SV2C: variants seen among roughly 807,000 people sequenced by gnomAD.
SV2C encodes synaptic vesicle glycoprotein 2C, also known as solute carrier family 22 member B3.
In SV2C, 49 loss-of-function variants were observed where a neutral mutation model predicts 79.7. The ratio of observed to expected loss-of-function variants is 0.61; its 90% CI spans 0.49 to 0.78. The LOEUF is 0.78. Among genes scored for constraint, SV2C ranks in the 30% least tolerant of loss-of-function variants. The probability of loss-of-function intolerance (pLI) is 0.00; values close to 1 mark genes in which losing one functional copy is unlikely to be tolerated. For synonymous variants in SV2C, 334 were observed against 333.2 expected (o/e 1.00, Z -0.03); for missense variants, 833 against 912.9 (o/e 0.91, Z 1.13).
chr5:76,139,521 G>A (rs545624871), intron 2 of SV2C, among the ~76,000 whole-genome samples: 21 of 152,104 alleles, frequency 1.4e-4, no homozygotes, highest in Non-Finnish European at 2.5e-4. Flanking sequence ...TCTATCAGTC[G>A]TGGTGAGGTT....
At chr5:75,906,089 C>A in the SV2C span, among the ~76,000 whole-genome samples, 1 of 151,764 alleles carries the variant, frequency 6.6e-6, no homozygotes, top group Non-Finnish European at 1.5e-5. Flanking sequence ...CTGCTGGTAA[C>A]TACCAGAAGC....
chr5:76,252,465 C>T (rs1746145510), intron 4 of SV2C, among the ~76,000 whole-genome samples: 1 of 152,122 alleles, frequency 6.6e-6, no homozygotes, highest in African/African-American at 2.4e-5. Flanking sequence ...AACTCCACAT[C>T]CATAAGCACT....
At chr5:76,346,133 G>A (rs1191236804) in intron 12 of SV2C, among the ~76,000 whole-genome samples, 2 of 152,144 alleles carry the variant, frequency 1.3e-5, no homozygotes, top group Non-Finnish European at 2.9e-5. Context: ...GTCTCCAAAT[G>A]TGGAGTTGGG....
chr5:76,309,269 C>A (rs1748320361), intron 12 of SV2C, among the ~76,000 whole-genome samples: 1 of 151,862 alleles, frequency 6.6e-6, no homozygotes, highest in South Asian at 2.1e-4. Flanking sequence ...CCTCTAATGG[C>A]CAGAAAGAAG....
the SV2C span, chr5:75,910,457 C>T: frequency 1.0e-3 from 598 of 600,112 alleles, 5 homozygotes; most frequent in Admixed American, 1.8e-3. Context: ...TTCAGCTGCA[C>T]TAAGGAAGTT....
chr5:76,318,160 C>T (rs1453453330), intron 12 of SV2C, among the ~76,000 whole-genome samples: 5 of 152,162 alleles, frequency 3.3e-5, no homozygotes, highest in Admixed American at 2.0e-4. Flanking sequence ...TGGCTCATGC[C>T]GGTAATCCCA....
At chr5:76,224,494 G>A (rs771119731) in intron 4 of SV2C, among the ~76,000 whole-genome samples, 6 of 152,116 alleles carry the variant, frequency 3.9e-5, no homozygotes, top group Admixed American at 6.5e-5. Context: ...GTAACTCACC[G>A]CTGTGTTTCT....
chr5:76,263,335 C>G (rs557664635), intron 4 of SV2C, among the ~76,000 whole-genome samples: 108 of 151,898 alleles, frequency 7.1e-4, no homozygotes, highest in Non-Finnish European at 1.2e-3. Context: ...CTCCTCAGCC[C>G]TTTATTTTGA....
intron 1 of SV2C, among the ~76,000 whole-genome samples, chr5:76,112,733 A>G (rs192320415): frequency 1.2e-3 from 179 of 152,354 alleles, no homozygotes; most frequent in African/African-American, 4.2e-3. Context: ...ATATTTGGCC[A>G]TAAACCTTCT....
intron 4 of SV2C, among the ~76,000 whole-genome samples, chr5:76,244,600 T>C (rs1745890769): frequency 6.6e-6 from 1 of 152,250 alleles, no homozygotes; most frequent in African/African-American, 2.4e-5. Context: ...CCTTTAAATC[T>C]GGTATGTAGT....
intron 4 of SV2C, among the ~76,000 whole-genome samples, chr5:76,229,197 C>T (rs1745340893): frequency 6.6e-6 from 1 of 152,232 alleles, no homozygotes; most frequent in African/African-American, 2.4e-5. Flanking sequence ...CTATGTCTGC[C>T]AGGCTGAGGA....
At chr5:76,022,544 A>G in the SV2C span, among the ~76,000 whole-genome samples, 2 of 152,214 alleles carry the variant, frequency 1.3e-5, no homozygotes, top group Admixed American at 6.5e-5. Flanking sequence ...GGCATGAAGT[A>G]ATCAGCCATA....
the SV2C span, among the ~76,000 whole-genome samples, chr5:75,935,948 A>C: frequency 6.6e-6 from 1 of 152,184 alleles, no homozygotes; most frequent in African/African-American, 2.4e-5. Context: ...AAACTATAAA[A>C]TTTTTGATAG....
At chr5:75,992,474 G>T in the SV2C span, among the ~76,000 whole-genome samples, 1 of 152,014 alleles carries the variant, frequency 6.6e-6, no homozygotes, top group Non-Finnish European at 1.5e-5. Flanking sequence ...TATTAGCTAT[G>T]AGTAATTGCA....
chr5:75,919,883 C>A, the SV2C span, among the ~76,000 whole-genome samples: 1 of 152,144 alleles, frequency 6.6e-6, no homozygotes. Flanking sequence ...GTATTTCAAA[C>A]CCCCAATTCC....
the SV2C span, among the ~76,000 whole-genome samples, chr5:76,073,501 G>GTATATATA: frequency 1.0e-4 from 9 of 87,244 alleles, no homozygotes; most frequent in South Asian, 4.3e-4. Context: ...ATGTATGTGT[G>GTATATATA]TGTATATATA....
intron 3 of SV2C, among the ~76,000 whole-genome samples, chr5:76,195,975 A>G (rs1744260017): frequency 1.3e-5 from 2 of 152,138 alleles, no homozygotes. Context: ...TTTTTTTTCA[A>G]GATGTCTAAC....
At chr5:76,089,471 T>C (rs1747300662) in intron 1 of SV2C, among the ~76,000 whole-genome samples, 1 of 152,230 alleles carries the variant, frequency 6.6e-6, no homozygotes, top group Non-Finnish European at 1.5e-5. Flanking sequence ...CTATTGTGAA[T>C]AGCACTGCAA....
chr5:75,979,582 G>A, the SV2C span, among the ~76,000 whole-genome samples: 1 of 150,972 alleles, frequency 6.6e-6, no homozygotes, highest in Non-Finnish European at 1.5e-5. Flanking sequence ...TTCACTTAAA[G>A]CCTTACAATT....
Sources: gnomAD v4.1 joint callset for allele counts (sites outside exome capture counted in the v4.1 genomes callset) on GRCh38, gnomAD v4.1.1 for gene constraint, MANE v1.5 for transcripts, NCBI Gene and HGNC (gene_info 2026-07-23, HGNC 2026-07-21) for gene names.